Variants in SLC18B1 observed in about 807,000 individuals in gnomAD.
SLC18B1 encodes MFS-type transporter SLC18B1.
SLC18B1 carries 62 observed loss-of-function variants against 53.9 expected under a neutral mutation model. That is an observed-to-expected ratio of 1.15 (90% CI 0.94 to 1.42). The LOEUF is 1.42. SLC18B1 is among the 40% of genes most tolerant of loss of function. The pLI, the probability that SLC18B1 is intolerant of heterozygous loss-of-function variation, is 0.00. For missense variants in SLC18B1, 598 were observed against 547.3 expected (o/e 1.09, Z -0.93); for synonymous variants, 217 against 200.9 (o/e 1.08, Z -0.68).
chr6:132,788,260 A>G (rs765054206), intron 4 of SLC18B1, among the ~76,000 whole-genome samples: 1 of 151,334 alleles, frequency 6.6e-6, no homozygotes, highest in Non-Finnish European at 1.5e-5. Context: ...AAGGAATAAG[A>G]CAATTCTCAA....
At chr6:132,798,345 C>T in intron 1 of SLC18B1, 69 bp downstream of exon 1, 2 of 1,431,526 alleles carry the variant, frequency 1.4e-6, no homozygotes, top group Non-Finnish European at 1.9e-6. Context: ...GCAATTCAAT[C>T]GTTGCTAAAG....
At position 132,771,578 on chromosome 6, in the gene SLC18B1, C is replaced by T. The variant is rs535032427; in HGVS notation, c.1161-449G>A. Reference sequence around the variant, plus strand: ...TTTCTATTAAAGGAACTTATAAATACCACTCAAATAAGATAAAGTATATGA... The same window carrying T: ...TTTCTATTAAAGGAACTTATAAATATCACTCAAATAAGATAAAGTATATGA... On this transcript the variant is annotated intron_variant, in intron 11 of 13. Transcript: ENST00000275227. Among the ~76,000 whole-genome samples, 13 of 152,194 alleles carry T rather than the reference C, an allele frequency of 8.5e-5. No individual in the cohort carries two copies. In the South Asian group the frequency reaches 2.7e-3, roughly 32 times the overall value.
rs926483354 is a variant in SLC18B1, at chr6:132,798,478, GC to G, written c.-23del. ...CCATCCCCGGTGCGTGGACTCCGGC[GC>G]CCCAGCTCCCGGCTTCAAGCCACGT... On this transcript the variant is annotated 5_prime_UTR_variant, in exon 1 of 14. Coordinates refer to ENST00000275227, the MANE Select transcript of SLC18B1 (RefSeq NM_052831.3). 1.3e-5 allele frequency: 19 copies of G among 1,489,974 alleles called. No homozygotes were observed. Among genetic ancestry groups the G allele is most frequent in the Non-Finnish European group, 1.5e-5 (17 of 1,114,838 alleles). The allele number at this position is 1,489,974 out of a possible 1,614,324, so 92.3% of individuals were successfully genotyped here. A position where few individuals can be genotyped will look rare whatever the true frequency, so the allele number is the denominator to read the frequency against.
At chr6:132,774,419 C>A in intron 8 of SLC18B1, 106 bp from the exon 9 acceptor site, 3 of 800,840 alleles carry the variant, frequency 3.7e-6, no homozygotes, top group Non-Finnish European at 5.9e-6. Flanking sequence ...TATTCAAAAA[C>A]CCAAATACAA....
At chr6:132,785,899 A>AAAAAG (rs1407635096) in intron 5 of SLC18B1, among the ~76,000 whole-genome samples, 2 of 68,660 alleles carry the variant, frequency 2.9e-5, no homozygotes, top group Non-Finnish European at 6.0e-5. Context: ...TGTCTCTACA[A>AAAAAG]AAAAAAAAAA....
Position 132,782,863 on chromosome 6 carries a change from C to T in SLC18B1, c.658+1070G>A, listed in dbSNP as rs527808227. Among the ~76,000 whole-genome samples the T allele has an allele frequency of 1.4e-4, 22 of 151,960 alleles. No individual in the cohort carries two copies. The East Asian group carries it at 4.3e-3, about 29-fold the overall frequency. On this transcript the variant is annotated intron_variant, in intron 6 of 13. Coordinates refer to ENST00000275227, the MANE Select transcript of SLC18B1 (RefSeq NM_052831.3). ...GATCTTGGCTCACTGCAACCTCCGC[C>T]TCCTAGGTTCAAACAATTCTCCTGT...
chr6:132,778,421 T>A (rs1215177794), intron 7 of SLC18B1, among the ~76,000 whole-genome samples: 1 of 152,162 alleles, frequency 6.6e-6, no homozygotes, highest in African/African-American at 2.4e-5. Context: ...TACCCCAAAC[T>A]GTCTTCAGTG....
intron 6 of SLC18B1, among the ~76,000 whole-genome samples, chr6:132,780,569 T>C (rs904103018): frequency 7.0e-6 from 1 of 143,696 alleles, no homozygotes; most frequent in Non-Finnish European, 1.5e-5. Flanking sequence ...GTGTTAGTTT[T>C]TTTTTTTTTT....
chr6:132,790,249 A>G lies in SLC18B1; in HGVS notation c.207T>C (p.Asn69=). Residue 69 remains asparagine (N), a synonymous_variant, in exon 3 of 14, where the codon AAT becomes AAC. Coordinates refer to ENST00000275227, the MANE Select transcript of SLC18B1 (RefSeq NM_052831.3). The part of the protein sequence containing the change: ...PKEAEKKGAS[N]TIIGMIFGCF... ...ATCCAAAGATCATACCGATAATTGT[A>G]TTGCTGGCTCCCTTCTTTTCAGCCT... 3 of 1,567,518 alleles carry G rather than the reference A, an allele frequency of 1.9e-6. No individual in the cohort carries two copies. The highest frequency in any genetic ancestry group is 2.6e-6 in the Non-Finnish European group (3 of 1,154,292).
chr6:132,783,677 G>A (rs1781295291), intron 6 of SLC18B1, among the ~76,000 whole-genome samples: 1 of 152,178 alleles, frequency 6.6e-6, no homozygotes, highest in Non-Finnish European at 1.5e-5. Context: ...TTCAGTCCAA[G>A]AAAACCTCTC....
Position 132,778,162 on chromosome 6 carries a change from T to C in SLC18B1, c.795+1106A>G, listed in dbSNP as rs60957570. 5.5e-3 allele frequency among the ~76,000 whole-genome samples: 837 copies of C among 152,134 alleles called. 4 individuals are homozygous for C. The highest frequency in any genetic ancestry group is 0.019 in the African/African-American group (806 of 41,500). ...TGTCCAGGGGAGGAATGTCACAAGG[T>C]CAATTGATCAGTTGGGGTGGGGCAG... On this transcript the variant is annotated intron_variant, in intron 7 of 13. Transcript: ENST00000275227.
chr6:132,786,230 A>G (rs1018391110), intron 5 of SLC18B1, among the ~76,000 whole-genome samples: 6 of 152,198 alleles, frequency 3.9e-5, no homozygotes, highest in African/African-American at 1.2e-4. Flanking sequence ...ATCCAGCTAT[A>G]TACATAAATG....
At chr6:132,776,135 G>A (rs1053852808) in intron 8 of SLC18B1, among the ~76,000 whole-genome samples, 193 bp downstream of exon 8, 1 of 152,088 alleles carries the variant, frequency 6.6e-6, no homozygotes, top group Admixed American at 6.6e-5. Context: ...TTTCCCAGGT[G>A]AAGCAATTTA....
At chr6:132,794,820 AT>A (rs2114689537) in intron 2 of SLC18B1, among the ~76,000 whole-genome samples, 1 of 152,284 alleles carries the variant, frequency 6.6e-6, no homozygotes, top group Admixed American at 6.5e-5. Context: ...CCTGGGCAAC[AT>A]GGTGAAACCC....
At chr6:132,798,381 C>T in intron 1 of SLC18B1, 33 bp downstream of exon 1, 1 of 1,511,202 alleles carries the variant, frequency 6.6e-7, no homozygotes, top group East Asian at 2.6e-5. Flanking sequence ...CGCCGCTGGT[C>T]TCCGGGCTCC....
chr6:132,787,608 A>C, intron 4 of SLC18B1, 27 bp from the exon 5 acceptor site: 3 of 1,503,920 alleles, frequency 2.0e-6, no homozygotes, highest in Non-Finnish European at 2.7e-6. Context: ...CAATTCTGAA[A>C]TGCCAAGCTG....
At chr6:132,796,937 A>C (rs1240335775) in intron 2 of SLC18B1, 45 bp downstream of exon 2, 1 of 1,557,308 alleles carries the variant, frequency 6.4e-7, no homozygotes, top group South Asian at 1.2e-5. Context: ...TTAAAAAACA[A>C]ACAAACAAAA....
intron 6 of SLC18B1, 38 bp downstream of exon 6, chr6:132,783,895 T>C: frequency 2.8e-6 from 4 of 1,436,456 alleles, no homozygotes; most frequent in Non-Finnish European, 3.7e-6. Context: ...TAAAAATATA[T>C]TTAAGGTTCT....
At chr6:132,796,845 G>T in intron 2 of SLC18B1, 137 bp downstream of exon 2, 2 of 838,734 alleles carry the variant, frequency 2.4e-6, no homozygotes, top group Non-Finnish European at 3.3e-6. Context: ...GTATTCTATT[G>T]GCTGGAGTTC....
Sources: allele counts gnomAD v4.1 joint callset (sites outside exome capture counted in the v4.1 genomes callset), GRCh38; gene constraint gnomAD v4.1.1; transcripts MANE v1.5; gene names NCBI Gene and HGNC (gene_info 2026-07-23, HGNC 2026-07-21).